The following LDLRAD4 variants were observed in gnomAD, a reference collection of about 807,000 sequenced individuals.
LDLRAD4 encodes the protein low density lipoprotein receptor class A domain containing 4, also known as low-density lipoprotein receptor class A domain-containing protein 4.
In LDLRAD4, 5 loss-of-function variants were observed where a neutral mutation model predicts 17.0. The ratio of observed to expected loss-of-function variants is 0.29; its 90% CI spans 0.15 to 0.62. The LOEUF is 0.62. LDLRAD4 is among the 20% of genes least tolerant of loss of function. The probability of loss-of-function intolerance (pLI) is 0.84; values close to 1 mark genes in which losing one functional copy is unlikely to be tolerated. For synonymous variants in LDLRAD4, 168 were observed against 171.8 expected, an observed-to-expected ratio of 0.98 and a Z score of 0.17; for missense variants, 340 against 424.7, an observed-to-expected ratio of 0.80 and a Z score of 1.75.
At chr18:13,501,022 T>A (rs2093605855) in intron 3 of LDLRAD4, 2 of 152,060 alleles carry the variant, frequency 1.3e-5, no homozygotes, top group Non-Finnish European at 2.9e-5. Context: ...GGTCCCAGAT[T>A]TACAGCCACC....
chr18:13,348,087 C>T (rs760902190), intron 1 of LDLRAD4, among the ~76,000 whole-genome samples: 5 of 152,240 alleles, frequency 3.3e-5, no homozygotes, highest in Non-Finnish European at 7.3e-5. Context: ...AAGTCATTCT[C>T]TGTCCAGCTT....
intron 3 of LDLRAD4, among the ~76,000 whole-genome samples, chr18:13,469,468 G>T (rs976775115): frequency 1.3e-5 from 2 of 152,194 alleles, no homozygotes; most frequent in Non-Finnish European, 2.9e-5. Flanking sequence ...AATGGCCAGA[G>T]AGTGGAAATA....
At chr18:13,620,670 G>C (rs539876652) in intron 3 of LDLRAD4, among the ~76,000 whole-genome samples, 3 of 152,336 alleles carry the variant, frequency 2.0e-5, no homozygotes, top group African/African-American at 7.2e-5. Flanking sequence ...TGTGCCTGAA[G>C]GCCTGGAAAC....
chr18:13,431,527 T>C (rs1467153102), intron 2 of LDLRAD4, among the ~76,000 whole-genome samples: 1 of 152,212 alleles, frequency 6.6e-6, no homozygotes, highest in Non-Finnish European at 1.5e-5. Flanking sequence ...TGAAGGGTAA[T>C]TGCAGGTCTG....
chr18:13,478,299 A>C (rs752256920), intron 3 of LDLRAD4, among the ~76,000 whole-genome samples: 44 of 152,304 alleles, frequency 2.9e-4, no homozygotes, highest in Middle Eastern at 3.4e-3. Context: ...GAATATACAC[A>C]TCCAAGTGTT....
rs1210088654 is a variant in LDLRAD4 at position 13,612,512 on chromosome 18, T to TA, written c.182-8604dup. The TA allele has an allele frequency of 2.8e-6, 4 of 1,414,954 alleles. No homozygotes were observed. In the African/African-American group the frequency reaches 4.4e-5, roughly 16 times the overall value. The allele number at this position is 1,414,954 out of a possible 1,614,324, so 87.6% of individuals were successfully genotyped here. A position where few individuals can be genotyped will look rare whatever the true frequency, so the allele number is the denominator to read the frequency against. Reference sequence around the variant, plus strand: ...CCTGGGGTGGGCCCTGCTGATACAGTAGAGAGAGAGTGAACGAGGCAGACA... The same window carrying TA: ...CCTGGGGTGGGCCCTGCTGATACAGTAAGAGAGAGAGTGAACGAGGCAGACA... On this transcript the variant is annotated intron_variant, in intron 3 of 5. Coordinates refer to ENST00000359446, the Ensembl canonical transcript of LDLRAD4.
chr18:13,400,617 C>G (rs951163326), intron 2 of LDLRAD4, among the ~76,000 whole-genome samples: 6 of 152,176 alleles, frequency 3.9e-5, no homozygotes, highest in Non-Finnish European at 8.8e-5. Context: ...TGGAGAGGAA[C>G]CGGGGCAGTG....
At chr18:13,500,381 T>A (rs970495027) in intron 3 of LDLRAD4, among the ~76,000 whole-genome samples, 6 of 152,232 alleles carry the variant, frequency 3.9e-5, no homozygotes, top group African/African-American at 1.4e-4. Flanking sequence ...AGGACAGCAC[T>A]GGGTCTTAGG....
Position 13,436,504 on chromosome 18 carries a change from T to C in LDLRAD4, c.41-1740T>C, listed in dbSNP as rs2090667290. Among the ~76,000 whole-genome samples, 3 of 152,326 alleles carry C rather than the reference T, an allele frequency of 2.0e-5. No homozygotes were observed. The South Asian group carries it at 6.2e-4, about 32-fold the overall frequency. On this transcript the variant is annotated intron_variant, in intron 2 of 5. Coordinates refer to ENST00000359446, the Ensembl canonical transcript of LDLRAD4. ...GTTAAGAGTTTGATTCAATTCAGAT[T>C]AGTATTCCTTTTTCCCAATCACTGT... is the stretch of plus-strand genomic sequence containing the variant.
chr18:13,339,622 A>G (rs193085309), intron 1 of LDLRAD4, among the ~76,000 whole-genome samples: 2 of 152,340 alleles, frequency 1.3e-5, no homozygotes, highest in East Asian at 3.9e-4. Flanking sequence ...TTTTGCTTTA[A>G]GTAATAAAAT....
chr18:13,290,629 T>G (rs954707097), intron 1 of LDLRAD4, among the ~76,000 whole-genome samples: 6 of 152,188 alleles, frequency 3.9e-5, no homozygotes, highest in Non-Finnish European at 5.9e-5. Flanking sequence ...TGTAAAAAAT[T>G]AGGGTATCTT....
intron 1 of LDLRAD4, chr18:13,235,108 AGGCGT>A (rs2042270134): frequency 6.6e-6 from 1 of 152,086 alleles, no homozygotes; most frequent in South Asian, 2.1e-4. Context: ...AAAATTAGCC[AGGCGT>A]GGTGGCGTGT....
chr18:13,363,904 T>C (rs2083869571), intron 1 of LDLRAD4, among the ~76,000 whole-genome samples: 1 of 152,166 alleles, frequency 6.6e-6, no homozygotes, highest in South Asian at 2.1e-4. Flanking sequence ...GCTTGTCAGG[T>C]TCAAAAGTCT....
chr18:13,296,360 A>G (rs1022055759), intron 1 of LDLRAD4, among the ~76,000 whole-genome samples: 2 of 152,146 alleles, frequency 1.3e-5, no homozygotes, highest in African/African-American at 4.8e-5. Context: ...AATGACAGAA[A>G]TGTATTTTCT....
intron 1 of LDLRAD4, among the ~76,000 whole-genome samples, chr18:13,313,134 G>A (rs917372463): frequency 3.3e-5 from 5 of 152,148 alleles, no homozygotes; most frequent in South Asian, 2.1e-4. Flanking sequence ...AATTTTGGGC[G>A]GCTAGAAGGA....
chr18:13,643,927 C>CGTAT (rs1336713142), intron 5 of LDLRAD4, among the ~76,000 whole-genome samples: 2 of 151,652 alleles, frequency 1.3e-5, no homozygotes, highest in Non-Finnish European at 2.9e-5. Context: ...TGTGTATGTA[C>CGTAT]GTATATAAAA....
intron 3 of LDLRAD4, among the ~76,000 whole-genome samples, chr18:13,620,310 G>A (rs1364744437): frequency 6.6e-6 from 1 of 152,210 alleles, no homozygotes; most frequent in Non-Finnish European, 1.5e-5. Context: ...CCAGATTCCT[G>A]CACTGTCTTC....
intron 3 of LDLRAD4, among the ~76,000 whole-genome samples, chr18:13,588,787 C>T (rs1049126157): frequency 6.6e-6 from 1 of 152,162 alleles, no homozygotes; most frequent in Non-Finnish European, 1.5e-5. Context: ...GACCTTGTTT[C>T]AGAGAAAGTG....
chr18:13,409,169 T>G (rs1050723050), intron 2 of LDLRAD4, among the ~76,000 whole-genome samples: 2 of 152,176 alleles, frequency 1.3e-5, no homozygotes, highest in African/African-American at 4.8e-5. Context: ...GTTTTTTGTT[T>G]GTTTGTTTGT....
Sources: gnomAD v4.1 joint callset for allele counts (sites outside exome capture counted in the v4.1 genomes callset) on GRCh38, gnomAD v4.1.1 for gene constraint, MANE v1.5 for transcripts, NCBI Gene and HGNC (gene_info 2026-07-23, HGNC 2026-07-21) for gene names.